The following RGS6 variants were observed in gnomAD, a reference collection of about 807,000 sequenced individuals.
The protein encoded by RGS6 is regulator of G protein signaling 6, also known as regulator of G-protein signaling 6.
In RGS6, 30 loss-of-function variants were observed where a neutral mutation model predicts 78.5. That is an observed-to-expected ratio of 0.38 (90% CI 0.29 to 0.52). The LOEUF is 0.52. RGS6 is among the 20% of genes least tolerant of loss of function. The probability of loss-of-function intolerance (pLI) is 0.85; values close to 1 mark genes in which losing one functional copy is unlikely to be tolerated. For synonymous variants in RGS6, 206 were observed against 206.0 expected (o/e 1.00, Z 0.00); for missense variants, 495 against 609.7 (o/e 0.81, Z 1.98).
At chr14:72,346,525 G>A (rs913099307) in intron 2 of RGS6, among the ~76,000 whole-genome samples, 3 of 152,200 alleles carry the variant, frequency 2.0e-5, no homozygotes, top group Admixed American at 2.0e-4. Flanking sequence ...CATGTTCTGT[G>A]AGAATCCACC....
chr14:72,055,446 T>C (rs575209502), intron 2 of RGS6, among the ~76,000 whole-genome samples: 1 of 152,324 alleles, frequency 6.6e-6, no homozygotes, highest in Admixed American at 6.5e-5. Context: ...CAAAGTATCA[T>C]GCCTGCTTAG....
At chr14:72,430,220 CA>C in intron 3 of RGS6, among the ~76,000 whole-genome samples, 1 of 152,300 alleles carries the variant, frequency 6.6e-6, no homozygotes, top group East Asian at 1.9e-4. Flanking sequence ...ATAACCTTTC[CA>C]TTCTCCCATC....
chr14:72,072,955 A>G (rs916325151), intron 2 of RGS6, among the ~76,000 whole-genome samples: 3 of 152,160 alleles, frequency 2.0e-5, no homozygotes, highest in African/African-American at 7.2e-5. Flanking sequence ...GCTCTGATTT[A>G]TCTCGTCTGG....
chr14:72,084,832 C>T (rs1318018250), intron 2 of RGS6, among the ~76,000 whole-genome samples: 3 of 152,054 alleles, frequency 2.0e-5, no homozygotes, highest in African/African-American at 7.2e-5. Flanking sequence ...TGTGGCTGCT[C>T]ATGTTCCTGA....
chr14:72,441,874 A>C (rs2095215849), intron 3 of RGS6, among the ~76,000 whole-genome samples: 1 of 152,204 alleles, frequency 6.6e-6, no homozygotes, highest in African/African-American at 2.4e-5. Flanking sequence ...GGGGGCTGCC[A>C]ACTGGCATTG....
chr14:71,891,575 G>A, the RGS6 span, among the ~76,000 whole-genome samples: 1 of 152,228 alleles, frequency 6.6e-6, no homozygotes, highest in East Asian at 1.9e-4. Context: ...GAAGTCACAT[G>A]GATGGTGTTG....
intron 3 of RGS6, among the ~76,000 whole-genome samples, chr14:72,425,878 ACTT>A (rs1410781113): frequency 6.6e-6 from 1 of 152,218 alleles, no homozygotes; most frequent in Middle Eastern, 3.2e-3. Context: ...ATGGAAAACT[ACTT>A]CTTCAGCTAA....
chr14:71,904,952 T>C, the RGS6 span, among the ~76,000 whole-genome samples: 1 of 152,126 alleles, frequency 6.6e-6, no homozygotes, highest in Admixed American at 6.5e-5. Context: ...TCAGGCAACT[T>C]TGAAATCACA....
intron 1 of RGS6, among the ~76,000 whole-genome samples, chr14:71,956,330 AGTGTGTGTGT>A (rs113351320): frequency 5.0e-4 from 37 of 74,472 alleles, no homozygotes; most frequent in South Asian, 2.3e-3. Flanking sequence ...CAGAACTAAT[AGTGTGTGTGT>A]GTGTGTGTGT....
intron 2 of RGS6, among the ~76,000 whole-genome samples, chr14:72,244,654 G>A (rs2053764166): frequency 6.6e-6 from 1 of 152,166 alleles, no homozygotes; most frequent in African/African-American, 2.4e-5. Flanking sequence ...TGAGCCTAGA[G>A]CAAGCTCCCC....
At chr14:72,474,764 C>T in intron 10 of RGS6, 65 bp downstream of exon 10, 6 of 1,267,174 alleles carry the variant, frequency 4.7e-6, no homozygotes, top group Non-Finnish European at 6.7e-6. Context: ...TAGTACTATT[C>T]AAATAGTAAT....
intron 2 of RGS6, among the ~76,000 whole-genome samples, chr14:72,294,297 C>T (rs989663252): frequency 3.3e-5 from 5 of 152,222 alleles, no homozygotes; most frequent in African/African-American, 1.2e-4. Context: ...ATGGTTCAAA[C>T]ATGGCTGCCT....
At chr14:71,942,972 T>C (rs796194099) in intron 1 of RGS6, among the ~76,000 whole-genome samples, 104 of 152,322 alleles carry the variant, frequency 6.8e-4, no homozygotes, top group African/African-American at 2.4e-3. Flanking sequence ...CCTTTAAATC[T>C]GTCCATGGTA....
chr14:72,337,794 G>C (rs1316583969), intron 2 of RGS6, among the ~76,000 whole-genome samples: 5 of 152,216 alleles, frequency 3.3e-5, no homozygotes, highest in Non-Finnish European at 7.3e-5. Flanking sequence ...CTCCCAAGGG[G>C]AATAAGGGGT....
intron 2 of RGS6, among the ~76,000 whole-genome samples, chr14:72,330,451 C>T (rs759127132): frequency 3.9e-5 from 6 of 152,198 alleles, no homozygotes; most frequent in Admixed American, 3.9e-4. Context: ...GCACCCTGAA[C>T]ACTCATTAAC....
intron 3 of RGS6, among the ~76,000 whole-genome samples, chr14:72,401,081 A>AT (rs897097398): frequency 5.3e-5 from 8 of 151,014 alleles, no homozygotes; most frequent in South Asian, 2.1e-4. Flanking sequence ...ATAATTCTTC[A>AT]TTTTTTTTTA....
chr14:71,905,055 T>G, the RGS6 span, among the ~76,000 whole-genome samples: 1 of 152,180 alleles, frequency 6.6e-6, no homozygotes, highest in East Asian at 1.9e-4. Context: ...GGTTCTGTTA[T>G]GCACGAAAAT....
rs1279740744 is a variant in RGS6 at position 72,518,429 on chromosome 14, G to C, written c.1170G>C (p.Glu390Asp). The C allele has an allele frequency of 1.2e-6, 2 of 1,614,210 alleles. No individual in the cohort carries two copies. The highest frequency in any genetic ancestry group is 2.2e-5 in the South Asian group (2 of 91,084). Reference sequence around the variant, plus strand: ...AGAGGGTAGAAGAAATCTGGCAAGAGTTTCTGGCTCCAGGGGCTCCAAGTG... The same window carrying C: ...AGAGGGTAGAAGAAATCTGGCAAGACTTTCTGGCTCCAGGGGCTCCAAGTG... The part of the protein sequence containing the change: ...VAKRVEEIWQ[E>D]FLAPGAPSAI... Residue 390 changes from glutamate (E) to aspartate (D), a missense_variant, in exon 15 of 18, where the codon GAG becomes GAC. Glu to Asp is a conservative substitution (Grantham distance 45, BLOSUM62 2). Coordinates refer to ENST00000553525, the MANE Select transcript of RGS6 (RefSeq NM_001204424.2).
At chr14:72,224,473 T>A (rs1244361690) in intron 2 of RGS6, among the ~76,000 whole-genome samples, 3 of 151,410 alleles carry the variant, frequency 2.0e-5, no homozygotes, top group Admixed American at 2.0e-4. Context: ...TTTTTTTATA[T>A]ACTTTAGAGG....
Sources: allele counts gnomAD v4.1 joint callset (sites outside exome capture counted in the v4.1 genomes callset), GRCh38; gene constraint gnomAD v4.1.1; transcripts MANE v1.5; gene names NCBI Gene and HGNC (gene_info 2026-07-23, HGNC 2026-07-21).